Variants in CDC20B observed in about 807,000 individuals in gnomAD.
CDC20B encodes the protein cell division cycle protein 20 homolog B.
CDC20B carries 58 observed loss-of-function variants against 64.1 expected under a neutral mutation model. That is an observed-to-expected ratio of 0.90 (90% CI 0.73 to 1.13). The LOEUF (loss-of-function observed/expected upper bound fraction) is 1.13. Ranked by LOEUF, CDC20B falls within the 50% of genes most tolerant of loss-of-function variation. The probability of loss-of-function intolerance (pLI) is 0.00; values close to 1 mark genes in which losing one functional copy is unlikely to be tolerated. For synonymous variants in CDC20B, 243 were observed against 230.6 expected, an observed-to-expected ratio of 1.05 and a Z score of -0.49; for missense variants, 597 against 633.0, an observed-to-expected ratio of 0.94 and a Z score of 0.61.
Position 55,172,669 on chromosome 5 carries a change from C to T in CDC20B, c.64-19G>A. The T allele has an allele frequency of 1.3e-6, 2 of 1,565,538 alleles. No homozygotes were observed. Among genetic ancestry groups the T allele is most frequent in the Non-Finnish European group, 1.8e-6 (2 of 1,138,368 alleles). The stretch of plus-strand genomic sequence containing the variant: ...TACTTTCCTTTGAAAACACAGATAA[C>T]ATATTGAGGGAGAAACTATTTAGGA... On this transcript the variant is annotated intron_variant, in intron 1 of 11. Transcript: ENST00000381375.
chr5:55,125,392 T>G (rs900232960), intron 8 of CDC20B, among the ~76,000 whole-genome samples: 8 of 152,210 alleles, frequency 5.3e-5, no homozygotes, highest in African/African-American at 1.9e-4. Flanking sequence ...TCTGCAACTT[T>G]GAATATTTCA....
chr5:55,153,839 G>A (rs1743740214), intron 2 of CDC20B, among the ~76,000 whole-genome samples: 1 of 152,066 alleles, frequency 6.6e-6, no homozygotes, highest in South Asian at 2.1e-4. Context: ...TTTCTTCATT[G>A]CACAGGCATA....
intron 2 of CDC20B, among the ~76,000 whole-genome samples, chr5:55,151,169 G>C (rs955136495): frequency 6.6e-6 from 1 of 152,190 alleles, no homozygotes; most frequent in African/African-American, 2.4e-5. Context: ...TTTAATGCTT[G>C]TGTTTTAGCC....
At chr5:55,141,327 G>C (rs1371817344) in intron 4 of CDC20B, among the ~76,000 whole-genome samples, 1 of 152,224 alleles carries the variant, frequency 6.6e-6, no homozygotes, top group Non-Finnish European at 1.5e-5. Context: ...AAGCCAAGCT[G>C]TGTCCTGGCT....
Position 55,140,347 on chromosome 5 carries a change from G to C in CDC20B, c.547C>G (p.Gln183Glu). 6.2e-7 allele frequency: 1 copy of C among 1,613,376 alleles called. No individual in the cohort carries two copies. Among genetic ancestry groups the C allele is most frequent in the South Asian group, 1.1e-5 (1 of 90,948 alleles). Residue 183 changes from glutamine to glutamate, a missense_variant, in exon 5 of 12, where the codon CAG becomes GAG. Physicochemically the swap from Gln to Glu is conservative, Grantham distance 29. Coordinates refer to ENST00000381375, the MANE Select transcript of CDC20B (RefSeq NM_001170402.1). Reference sequence around the variant, plus strand: ...ACACATTCGGATTGCTCACAGAGCTGCATTTTTCCATTAGCCTGCTGAACC... The same window carrying C: ...ACACATTCGGATTGCTCACAGAGCTCCATTTTTCCATTAGCCTGCTGAACC... Reference protein sequence around the residue: ...NVVQQANGKMQLCEQSECVWK... With the variant: ...NVVQQANGKMELCEQSECVWK...
At chr5:55,132,286 T>C (rs530480340) in intron 6 of CDC20B, among the ~76,000 whole-genome samples, 1 of 152,176 alleles carries the variant, frequency 6.6e-6, no homozygotes, top group Non-Finnish European at 1.5e-5. Flanking sequence ...AGATATTCCA[T>C]GGAGCCCAGA....
At chr5:55,149,259 T>C (rs1743590155) in intron 2 of CDC20B, among the ~76,000 whole-genome samples, 2 of 152,174 alleles carry the variant, frequency 1.3e-5, no homozygotes, top group Admixed American at 1.3e-4. Flanking sequence ...TCTTTGTACA[T>C]TGCAAGTGTA....
At chr5:55,152,571 C>A (rs1300808961) in intron 2 of CDC20B, among the ~76,000 whole-genome samples, 2 of 152,168 alleles carry the variant, frequency 1.3e-5, no homozygotes, top group African/African-American at 4.8e-5. Flanking sequence ...ACACTACATA[C>A]AGCTGTATAG....
intron 2 of CDC20B, among the ~76,000 whole-genome samples, chr5:55,152,378 C>T (rs1470469227): frequency 6.6e-6 from 1 of 152,232 alleles, no homozygotes; most frequent in Non-Finnish European, 1.5e-5. Context: ...GTGCTAATAA[C>T]ATTTACCAAA....
chr5:55,125,483 T>A (rs980506072), intron 8 of CDC20B, among the ~76,000 whole-genome samples: 8 of 152,216 alleles, frequency 5.3e-5, no homozygotes, highest in Non-Finnish European at 1.0e-4. Context: ...ATCTAACAGG[T>A]AGAGTCCTAT....
chr5:55,153,090 T>C (rs1188021939), intron 2 of CDC20B, among the ~76,000 whole-genome samples: 2 of 151,502 alleles, frequency 1.3e-5, no homozygotes, highest in Non-Finnish European at 2.9e-5. Context: ...AATACAAAAA[T>C]TAGCTGGGCA....
chr5:55,152,750 A>G (rs1255475428), intron 2 of CDC20B, among the ~76,000 whole-genome samples: 3 of 152,186 alleles, frequency 2.0e-5, no homozygotes, highest in Non-Finnish European at 4.4e-5. Context: ...CTCCTGCTAT[A>G]TCATACACTC....
At chr5:55,149,871 C>T (rs1035672747) in intron 2 of CDC20B, among the ~76,000 whole-genome samples, 31 of 152,210 alleles carry the variant, frequency 2.0e-4, no homozygotes, top group Non-Finnish European at 4.4e-4. Context: ...CAGTGGCTCA[C>T]ACCTGTAATC....
intron 6 of CDC20B, among the ~76,000 whole-genome samples, chr5:55,130,873 C>A (rs1293342391): frequency 6.6e-6 from 1 of 152,310 alleles, no homozygotes; most frequent in East Asian, 1.9e-4. Context: ...GTAATCCCAG[C>A]ACTTTGGGAG....
At position 55,120,439 on chromosome 5, in the gene CDC20B, TTGG is replaced by T; in HGVS notation, c.1324_1326del (p.Pro442del). On this transcript the variant is annotated inframe_deletion, in exon 10 of 12. Coordinates refer to ENST00000381375, the MANE Select transcript of CDC20B (RefSeq NM_001170402.1). Reference sequence around the variant, plus strand: ...GAGATATTAACCTGTGAGTTTGTGCTTGGGGTCTGGATGCTCTTCCCAGCATTT... The same window carrying T: ...GAGATATTAACCTGTGAGTTTGTGCTGGTCTGGATGCTCTTCCCAGCATTT... 2 of 1,613,796 alleles carry T rather than the reference TTGG, an allele frequency of 1.2e-6. No homozygotes were observed. Among genetic ancestry groups the T allele is most frequent in the Non-Finnish European group, 1.7e-6 (2 of 1,179,766 alleles).
At chr5:55,158,534 C>G (rs1007973148) in intron 2 of CDC20B, among the ~76,000 whole-genome samples, 2 of 152,118 alleles carry the variant, frequency 1.3e-5, no homozygotes, top group Non-Finnish European at 2.9e-5. Context: ...CTCAGCCACC[C>G]GAAAACACAC....
chr5:55,123,742 T>G (rs1224211567), intron 9 of CDC20B, among the ~76,000 whole-genome samples: 3 of 152,218 alleles, frequency 2.0e-5, no homozygotes, highest in Non-Finnish European at 4.4e-5. Flanking sequence ...AACTAATTTT[T>G]TGTTTTGTTT....
intron 10 of CDC20B, 75 bp downstream of exon 10, chr5:55,120,350 T>C (rs753856615): frequency 3.4e-5 from 52 of 1,551,090 alleles, no homozygotes; most frequent in Middle Eastern, 1.8e-4. Flanking sequence ...GTTGGGGGCA[T>C]AGGCTCTGTT....
intron 4 of CDC20B, 68 bp from the exon 5 acceptor site, chr5:55,140,475 A>G (rs1235281747): frequency 2.0e-6 from 2 of 1,013,448 alleles, no homozygotes; most frequent in Non-Finnish European, 1.5e-6. Flanking sequence ...AATGTAATGT[A>G]TAATATAGAA....
Sources: allele counts gnomAD v4.1 joint callset (sites outside exome capture counted in the v4.1 genomes callset), GRCh38; gene constraint gnomAD v4.1.1; transcripts MANE v1.5; gene names NCBI Gene and HGNC (gene_info 2026-07-23, HGNC 2026-07-21).